RUBCN: variants seen among roughly 807,000 people sequenced by gnomAD.
The protein encoded by RUBCN is run domain Beclin-1-interacting and cysteine-rich domain-containing protein.
In RUBCN, 74 loss-of-function variants were observed where a neutral mutation model predicts 113.2. The observed-to-expected ratio is 0.65, with a 90% CI of 0.54 to 0.79. RUBCN has a LOEUF of 0.79. Among genes scored for constraint, RUBCN ranks in the 30% least tolerant of loss-of-function variants. The pLI, the probability that RUBCN is intolerant of heterozygous loss-of-function variation, is 0.00. For missense variants in RUBCN, 1,109 were observed against 1,251.7 expected (o/e 0.89, Z 1.72); for synonymous variants, 480 against 490.0 (o/e 0.98, Z 0.27).
upstream of RUBCN, among the ~76,000 whole-genome samples, chr3:197,741,795 A>G (rs529671812): frequency 3.2e-4 from 49 of 151,650 alleles, no homozygotes; most frequent in African/African-American, 1.1e-3. Context: ...TGCACTCCAG[A>G]GATTGCACCA....
At chr3:197,738,896 A>C (rs1288799039), upstream of RUBCN, among the ~76,000 whole-genome samples, 7 of 152,004 alleles carry the variant, frequency 4.6e-5, no homozygotes, top group Admixed American at 4.6e-4. Context: ...ACCTGGCCTT[A>C]CTTCTAGTTC....
Position 197,675,062 on chromosome 3 carries a change from C to T in RUBCN, c.2875G>A (p.Ala959Thr), listed in dbSNP as rs761576659. The change falls in exon 20 of 20, where the codon GCG (alanine) becomes ACG (threonine). Residue 959 changes from alanine to threonine, a missense_variant. Physicochemically the swap from Ala to Thr is moderately conservative, Grantham distance 58 (BLOSUM62 0). Coordinates refer to ENST00000296343, the MANE Select transcript of RUBCN (RefSeq NM_014687.4). This position sits in a 1 kb window ranked among gnomAD's most constrained non-coding sequence, Gnocchi z 4.4. Reference protein sequence around the residue: ...SYLSDYEEEPAEALALEAAVL... With the variant: ...SYLSDYEEEPTEALALEAAVL... ...GCGGCTTCCAGGGCCAGCGCTTCCG[C>T]GGGCTCCTCCTCGTAGTCTGACAGG... 2.1e-5 allele frequency: 34 copies of T among 1,613,120 alleles called. No homozygotes were observed. The highest frequency in any genetic ancestry group is 4.5e-5 in the East Asian group (2 of 44,900).
intron 1 of RUBCN, among the ~76,000 whole-genome samples, chr3:197,726,349 C>A (rs1726753679): frequency 6.6e-6 from 1 of 151,562 alleles, no homozygotes; most frequent in African/African-American, 2.4e-5. Flanking sequence ...TGGGTTCACA[C>A]CATTCTCCTG....
chr3:197,743,897 T>C (rs1210130044), intron 1 of RUBCN, among the ~76,000 whole-genome samples: 4 of 152,038 alleles, frequency 2.6e-5, no homozygotes, highest in Non-Finnish European at 5.9e-5. Context: ...GGCAGGAGAA[T>C]TGCTTGAACC....
rs993988081 is a variant in RUBCN, at chr3:197,683,781, C to T, written c.1848-342G>A. On this transcript the variant is annotated intron_variant, in intron 12 of 19. Transcript: ENST00000296343. The surrounding 1 kb of genome is among the most constrained non-coding windows in gnomAD (Gnocchi z 4.6). ...TAAAATTGCTTTGTGGACTACAAAG[C>T]GATTTTTCCTCCCAAATGAGCTACT... Among the ~76,000 whole-genome samples the T allele has an allele frequency of 6.6e-6, 1 of 152,100 alleles. No homozygotes were observed. Among genetic ancestry groups the T allele is most frequent in the Non-Finnish European group, 1.5e-5 (1 of 68,012 alleles).
At chr3:197,721,442 T>A (rs1254959654) in intron 1 of RUBCN, among the ~76,000 whole-genome samples, 10 of 152,216 alleles carry the variant, frequency 6.6e-5, no homozygotes, top group Non-Finnish European at 5.9e-5. Context: ...TTCTGTGCTG[T>A]CAGTTGCAAT....
Position 197,683,358 on chromosome 3 carries a change from T to C in RUBCN, c.1929A>G (p.Pro643=). Residue 643 remains proline, a synonymous_variant, in exon 13 of 20, where the codon CCA becomes CCG. Coordinates refer to ENST00000296343, the MANE Select transcript of RUBCN (RefSeq NM_014687.4). This position sits in a 1 kb window ranked among gnomAD's most constrained non-coding sequence, Gnocchi z 4.6. Reference sequence around the variant, plus strand: ...CAAGCCACTCCAGCTCCGAGGCGGCTGGAAGCTGCATCCCCTCAAACTGCT... The same window carrying C: ...CAAGCCACTCCAGCTCCGAGGCGGCCGGAAGCTGCATCCCCTCAAACTGCT... ...LLKQFEGMQL[P]AASELEWLVP... 1 of 1,614,152 alleles carries C rather than the reference T, an allele frequency of 6.2e-7. No individual in the cohort carries two copies. The highest frequency in any genetic ancestry group is 1.3e-5 in the African/African-American group (1 of 75,032).
intron 16 of RUBCN, among the ~76,000 whole-genome samples, chr3:197,679,673 G>C (rs889338926): frequency 2.1e-5 from 3 of 145,920 alleles, no homozygotes; most frequent in Non-Finnish European, 3.0e-5. Context: ...CCTACGCTCT[G>C]ACAACTGGCT....
chr3:197,735,634 C>G (rs1728035921), intron 1 of RUBCN, among the ~76,000 whole-genome samples: 1 of 152,156 alleles, frequency 6.6e-6, no homozygotes, highest in Non-Finnish European at 1.5e-5. Flanking sequence ...CTCTGTCACC[C>G]AGGCTGGAGT....
At chr3:197,714,075 CA>C (rs972226713) in intron 2 of RUBCN, among the ~76,000 whole-genome samples, 9 of 145,116 alleles carry the variant, frequency 6.2e-5, no homozygotes, top group Non-Finnish European at 6.1e-5. Context: ...GACTCTGTAT[CA>C]AAAAAAAAAG....
Position 197,675,873 on chromosome 3 carries a change from G to A in RUBCN, c.2647-358C>T, listed in dbSNP as rs1050828507. On this transcript the variant is annotated intron_variant, in intron 18 of 19. Coordinates refer to ENST00000296343, the MANE Select transcript of RUBCN (RefSeq NM_014687.4). This position sits in a 1 kb window ranked among gnomAD's most constrained non-coding sequence, Gnocchi z 4.4. ...ACCACAAGCAATTAAGATAAAATGT[G>A]GAGACGAGGCTGTTCCTCAAACACA... is the stretch of plus-strand genomic sequence containing the variant. Among the ~76,000 whole-genome samples the A allele has an allele frequency of 6.6e-6, 1 of 150,730 alleles. No homozygotes were observed. Among genetic ancestry groups the A allele is most frequent in the Admixed American group, 6.6e-5 (1 of 15,208 alleles).
intron 1 of RUBCN, among the ~76,000 whole-genome samples, chr3:197,724,999 C>T (rs1476189632): frequency 6.6e-6 from 1 of 151,998 alleles, no homozygotes; most frequent in East Asian, 1.9e-4. Context: ...GGCCAACATG[C>T]AAAATCTCGT....
chr3:197,736,621 C>G (rs772871584), intron 1 of RUBCN, 34 bp downstream of exon 1: 1 of 1,531,336 alleles, frequency 6.5e-7, no homozygotes, highest in Non-Finnish European at 8.7e-7. Context: ...CGGCGCCTGT[C>G]GCTGCCCCGA....
chr3:197,682,489 TA>T lies in RUBCN; in HGVS notation c.2106del (p.Phe702LeufsTer94). 6.2e-7 allele frequency: 1 copy of T among 1,613,990 alleles called. No individual in the cohort carries two copies. Among genetic ancestry groups the T allele is most frequent in the Non-Finnish European group, 8.5e-7 (1 of 1,179,986 alleles). On this transcript the variant is annotated frameshift_variant, in exon 14 of 20. Transcript: ENST00000296343. LOFTEE classifies it high-confidence loss of function. ...EWAPPRPQII[F>X]NVHPAPTRKI... ...ACTCACGTTGGGGCTGGATGAACAT[TA>T]AAAATTATCTGAGGCCGGGGCGGGG...
At position 197,675,357 on chromosome 3, in the gene RUBCN, G is replaced by T; in HGVS notation, c.2740+65C>A. The T allele has an allele frequency of 6.6e-7, 1 of 1,525,352 alleles. No individual in the cohort carries two copies. The highest frequency in any genetic ancestry group is 9.1e-7 in the Non-Finnish European group (1 of 1,101,498). 94.5% of individuals were successfully genotyped at this position (1,525,352 alleles called of 1,614,324 possible). On this transcript the variant is annotated intron_variant, in intron 19 of 19. Transcript: ENST00000296343. The surrounding 1 kb of genome is among the most constrained non-coding windows in gnomAD (Gnocchi z 4.4). ...GCACCGAACTCTTGCTAACAGGGGT[G>T]GCTCTGGGGAATCAAGGAGCCCTGT...
rs1190164370 is a variant in RUBCN at position 197,672,433 on chromosome 3, G to T, written c.*2585C>A. ...ATCCTCTACCCACTTCCCCCCTCTT[G>T]AATAAATAACTGGGTATTTGGAAGG... On this transcript the variant is annotated 3_prime_UTR_variant, in exon 20 of 20. Coordinates refer to ENST00000296343, the MANE Select transcript of RUBCN (RefSeq NM_014687.4). 3 of 152,132 alleles carry T rather than the reference G, an allele frequency of 2.0e-5. No individual in the cohort carries two copies. The East Asian group carries it at 5.8e-4, about 29-fold the overall frequency. The allele number at this position is 152,132 out of a possible 1,614,324, so 9.4% of individuals were successfully genotyped here. A position where few individuals can be genotyped will look rare whatever the true frequency, so the allele number is the denominator to read the frequency against.
At position 197,683,285 on chromosome 3, in the gene RUBCN, G is replaced by T. The variant is rs1284207376; in HGVS notation, c.1980+22C>A. The T allele has an allele frequency of 1.9e-6, 3 of 1,614,048 alleles. No homozygotes were observed. In the Admixed American group the frequency reaches 5.0e-5, roughly 27 times the overall value. ...AGAGGCTCACGATGGCCCCTGGGTA[G>T]GAAGAAGAGCTAAGGACCTACCTTC... On this transcript the variant is annotated intron_variant, in intron 13 of 19. Coordinates refer to ENST00000296343, the MANE Select transcript of RUBCN (RefSeq NM_014687.4). The surrounding 1 kb of genome is among the most constrained non-coding windows in gnomAD (Gnocchi z 4.6).
intron 1 of RUBCN, among the ~76,000 whole-genome samples, chr3:197,726,940 A>T (rs895025087): frequency 2.1e-4 from 28 of 131,776 alleles, no homozygotes; most frequent in African/African-American, 6.1e-4. Flanking sequence ...TGCACATTCT[A>T]TTTTTTTTTT....
intron 2 of RUBCN, among the ~76,000 whole-genome samples, chr3:197,705,538 C>G (rs1724195689): frequency 6.8e-6 from 1 of 146,896 alleles, no homozygotes; most frequent in African/African-American, 2.5e-5. Context: ...GCACTCCTGC[C>G]CAGGCAACAG....
Sources: gnomAD v4.1 joint callset for allele counts (sites outside exome capture counted in the v4.1 genomes callset) on GRCh38, gnomAD v4.1.1 for gene constraint, Gnocchi (gnomAD v3.1) non-coding constraint, MANE v1.5 for transcripts, NCBI Gene and HGNC (gene_info 2026-07-23, HGNC 2026-07-21) for gene names.